The following HSPA14 variants were observed in gnomAD, a reference collection of about 807,000 sequenced individuals.
HSPA14 encodes the protein heat shock 70 kDa protein 14.
A neutral mutation model predicts 65.5 loss-of-function variants in HSPA14; 37 were observed. The observed-to-expected ratio is 0.56, with a 90% CI of 0.43 to 0.74. The LOEUF is 0.74. Ranked by LOEUF, HSPA14 falls within the 30% of genes least tolerant of loss-of-function variation. The pLI, the probability that HSPA14 is intolerant of heterozygous loss-of-function variation, is 0.00. For synonymous variants in HSPA14, 203 were observed against 214.2 expected (o/e 0.95, Z 0.46); for missense variants, 564 against 607.6 (o/e 0.93, Z 0.75).
chr10:14,845,230 G>C, intron 3 of HSPA14: 1 of 985,152 alleles, frequency 1.0e-6, no homozygotes, highest in Non-Finnish European at 1.2e-6. Context: ...AGCTTTTAGT[G>C]ATTTACTTAG....
At chr10:14,843,768 T>C in intron 3 of HSPA14, 1 of 1,536,354 alleles carries the variant, frequency 6.5e-7, no homozygotes, top group Non-Finnish European at 8.7e-7. Flanking sequence ...ATACTGCCAA[T>C]GAGCTCCGCA....
chr10:14,858,975 G>A (rs1286485585), intron 10 of HSPA14, among the ~76,000 whole-genome samples: 1 of 152,078 alleles, frequency 6.6e-6, no homozygotes, highest in African/African-American at 2.4e-5. Context: ...AGTACCTGGG[G>A]TTCTAGTATG....
Position 14,867,265 on chromosome 10 carries a change from A to AGACTCTCTTAT in HSPA14, c.1178_1179insCTCTCTTATGA (p.Glu393AspfsTer12), listed in dbSNP as rs745883680. The AGACTCTCTTAT allele has an allele frequency of 1.9e-6, 3 of 1,613,584 alleles. No individual in the cohort carries two copies. In the Admixed American group the frequency reaches 5.0e-5, roughly 27 times the overall value. ...TGTTGGTGGAAGACTCTCTTATGAT[A>AGACTCTCTTAT]GAGTGTTCAGCCAGAGATATTTTAG... On this transcript the variant is annotated frameshift_variant, in exon 11 of 14. Coordinates refer to ENST00000378372, the MANE Select transcript of HSPA14 (RefSeq NM_016299.4). LOFTEE classifies it high-confidence loss of function.
At chr10:14,856,257 T>C (rs746592256) in intron 10 of HSPA14, among the ~76,000 whole-genome samples, 1 of 152,206 alleles carries the variant, frequency 6.6e-6, no homozygotes. Flanking sequence ...ATTAACTTGT[T>C]GAATACTCAC....
rs1422915338 is a variant in HSPA14 at position 14,871,529 on chromosome 10, G to A, written c.1453G>A (p.Asp485Asn). The change falls in exon 14 of 14, where the codon GAT (aspartate) becomes AAT (asparagine). Residue 485 changes from aspartate to asparagine, a missense_variant and splice_region_variant. Physicochemically the swap from Asp to Asn is conservative, Grantham distance 23. Coordinates refer to ENST00000378372, the MANE Select transcript of HSPA14 (RefSeq NM_016299.4). ...DILAVLTMKR[D>N]GSLHVTCTDQ... ...TTCTTTATTTTTTTGTCTGTTTAGG[G>A]ATGGATCTTTACATGTGACATGCAC... is the stretch of plus-strand genomic sequence containing the variant. The A allele has an allele frequency of 1.3e-6, 2 of 1,571,228 alleles. No homozygotes were observed. The highest frequency in any genetic ancestry group is 3.5e-5 in the Admixed American group (2 of 56,624).
At chr10:14,840,509 G>T (rs1313835860) in intron 3 of HSPA14, among the ~76,000 whole-genome samples, 4 of 152,154 alleles carry the variant, frequency 2.6e-5, no homozygotes, top group Non-Finnish European at 5.9e-5. Flanking sequence ...GAATTTTGCT[G>T]AATCTATTAC....
chr10:14,847,757 GT>G (rs1372234339), intron 3 of HSPA14, among the ~76,000 whole-genome samples: 1 of 152,156 alleles, frequency 6.6e-6, no homozygotes, highest in African/African-American at 2.4e-5. Flanking sequence ...TGGAAGAAGG[GT>G]TTAATGAAAG....
At chr10:14,853,255 T>C (rs1295986975) in intron 8 of HSPA14, among the ~76,000 whole-genome samples, 2 of 152,356 alleles carry the variant, frequency 1.3e-5, no homozygotes, top group East Asian at 1.9e-4. Flanking sequence ...ACTTAGTAAG[T>C]AGTTTTAAAC....
In HSPA14 at chr10:14,867,203, G is replaced by T. The variant is rs370665194; in HGVS notation, c.1114G>T (p.Ala372Ser). ...TGATGAAGTGATCCCTATTGGTGCAGCTATAGAAGCAGGAATTCTTATTGG... is the reference window on the plus strand; with the variant it reads ...TGATGAAGTGATCCCTATTGGTGCATCTATAGAAGCAGGAATTCTTATTGG... ...PPDEVIPIGA[A>S]IEAGILIGKE... is the part of the protein sequence containing the mutation. The change falls in exon 11 of 14, where the codon GCT (alanine) becomes TCT (serine). Residue 372 changes from alanine to serine, a missense_variant. Coordinates refer to ENST00000378372, the MANE Select transcript of HSPA14 (RefSeq NM_016299.4). The T allele has an allele frequency of 6.2e-7, 1 of 1,613,376 alleles. No individual in the cohort carries two copies. Among genetic ancestry groups the T allele is most frequent in the Admixed American group, 1.7e-5 (1 of 60,018 alleles).
chr10:14,856,149 T>A (rs1832691206), intron 10 of HSPA14, among the ~76,000 whole-genome samples: 1 of 152,246 alleles, frequency 6.6e-6, no homozygotes. Context: ...CAAAACAGAA[T>A]AATTCCTTTC....
Position 14,848,866 on chromosome 10 carries a change from T to G in HSPA14, c.347T>G (p.Val116Gly). ...ACAAAATTTGTTAACCCAGAAGATG[T>G]TGCCAGACTGATATTTAGTAAAATG... ...EETKFVNPED[V>G]ARLIFSKMKE... The change falls in exon 5 of 14, where the codon GTT becomes GGT. Residue 116 changes from valine (V) to glycine (G), a missense_variant. Coordinates refer to ENST00000378372, the MANE Select transcript of HSPA14 (RefSeq NM_016299.4). 1 of 1,571,166 alleles carries G rather than the reference T, an allele frequency of 6.4e-7. No homozygotes were observed. Among genetic ancestry groups the G allele is most frequent in the Non-Finnish European group, 8.7e-7 (1 of 1,145,226 alleles).
chr10:14,864,767 T>C (rs1832790325), intron 10 of HSPA14, among the ~76,000 whole-genome samples: 1 of 152,232 alleles, frequency 6.6e-6, no homozygotes, highest in Non-Finnish European at 1.5e-5. Context: ...CTGTTGTGAA[T>C]AGTACCGCAA....
chr10:14,871,605 A>C lies in HSPA14; in HGVS notation c.1529A>C (p.Ter510SerextTer9). The C allele has an allele frequency of 6.6e-7, 1 of 1,522,868 alleles. No homozygotes were observed. The highest frequency in any genetic ancestry group is 1.2e-5 in the South Asian group (1 of 85,018). 94.3% of individuals were successfully genotyped at this position (1,522,868 alleles called of 1,614,324 possible). A position where few individuals can be genotyped will look rare whatever the true frequency, so the allele number is the denominator to read the frequency against. The part of the protein sequence containing the change: ...CEAISIEIAS[*>S] ...GCAATCTCTATTGAGATAGCATCTT[A>C]GTGTTTTAGAGAAATCAAGAATTTT... The change falls in exon 14 of 14, where the codon TAG (stop) becomes TCG (serine). Residue 510 changes from the stop codon to serine (S), a stop_lost. Transcript: ENST00000378372.
chr10:14,841,459 C>G (rs1833969867), intron 3 of HSPA14, among the ~76,000 whole-genome samples: 1 of 152,118 alleles, frequency 6.6e-6, no homozygotes, highest in South Asian at 2.1e-4. Context: ...ACAGAGACAT[C>G]AAACACATTG....
intron 3 of HSPA14, chr10:14,846,837 G>C: frequency 2.0e-6 from 2 of 985,398 alleles, no homozygotes; most frequent in Non-Finnish European, 2.4e-6. Context: ...AGGAGGAAGA[G>C]AAGATGGCAT....
At chr10:14,847,253 C>T (rs895298391) in intron 3 of HSPA14, among the ~76,000 whole-genome samples, 38 of 152,248 alleles carry the variant, frequency 2.5e-4, no homozygotes, top group South Asian at 4.2e-4. Context: ...AGACAACCTA[C>T]GCACAACAGT....
Position 14,846,506 on chromosome 10 carries a change from G to A in HSPA14, c.222-2103G>A, listed in dbSNP as rs1244132034. The A allele has an allele frequency of 9.1e-6, 9 of 985,206 alleles. No homozygotes were observed. In the Middle Eastern group the frequency reaches 1.5e-3, roughly 170 times the overall value. The allele number at this position is 985,206 out of a possible 1,614,324, so 61.0% of individuals were successfully genotyped here. On this transcript the variant is annotated intron_variant, in intron 3 of 13. Transcript: ENST00000378372. ...AAAAATATTAAGGGGAGGGAAATTG[G>A]AATACAGGGAGACAGTGTGCAAGAA... is the stretch of plus-strand genomic sequence containing the variant.
At chr10:14,849,904 G>A (rs1834094970) in intron 6 of HSPA14, 93 bp downstream of exon 6, 1 of 725,556 alleles carries the variant, frequency 1.4e-6, no homozygotes. Context: ...AAGTACCTTA[G>A]GCGATAAAAT....
intron 9 of HSPA14, among the ~76,000 whole-genome samples, chr10:14,854,765 C>T (rs770631567): frequency 1.3e-5 from 2 of 152,140 alleles, no homozygotes; most frequent in Non-Finnish European, 2.9e-5. Flanking sequence ...TCACTTTCCC[C>T]GGGCCTTCAT....
Sources: allele counts gnomAD v4.1 joint callset (sites outside exome capture counted in the v4.1 genomes callset), GRCh38; gene constraint gnomAD v4.1.1; transcripts MANE v1.5; gene names NCBI Gene and HGNC (gene_info 2026-07-23, HGNC 2026-07-21).